The following ZBTB20 variants were observed in gnomAD, a reference collection of about 807,000 sequenced individuals.
The protein encoded by ZBTB20 is zinc finger and BTB domain containing 20, also known as zinc finger and BTB domain-containing protein 20.
In ZBTB20, 9 loss-of-function variants were observed where a neutral mutation model predicts 56.9. The observed-to-expected ratio is 0.16, with a 90% CI of 0.10 to 0.28. The LOEUF (loss-of-function observed/expected upper bound fraction) is 0.28, where lower values mean the gene tolerates loss of function less well. Ranked by LOEUF, ZBTB20 falls within the 10% of genes least tolerant of loss-of-function variation. The probability of loss-of-function intolerance (pLI) is 1.00; values close to 1 mark genes in which losing one functional copy is unlikely to be tolerated. For missense variants in ZBTB20, 655 were observed against 1,003.0 expected, an observed-to-expected ratio of 0.65 and a Z score of 4.69; for synonymous variants, 417 against 420.7, an observed-to-expected ratio of 0.99 and a Z score of 0.11.
chr3:114,754,781 C>G (rs1325930586), intron 5 of ZBTB20, among the ~76,000 whole-genome samples: 1 of 152,008 alleles, frequency 6.6e-6, no homozygotes, highest in African/African-American at 2.4e-5. Context: ...TAAAGGGGTT[C>G]AAACAAATTC....
At chr3:115,021,440 G>C (rs1450325104) in intron 2 of ZBTB20, among the ~76,000 whole-genome samples, 4 of 150,776 alleles carry the variant, frequency 2.7e-5, no homozygotes, top group African/African-American at 9.7e-5. Flanking sequence ...TACACGTAAA[G>C]TTAAGAAAGT....
intron 4 of ZBTB20, among the ~76,000 whole-genome samples, chr3:114,827,736 T>C (rs1322193170): frequency 6.6e-6 from 1 of 151,792 alleles, no homozygotes; most frequent in African/African-American, 2.4e-5. Flanking sequence ...TGGGCTTTCA[T>C]GACTTCTCAG....
chr3:114,527,117 G>C (rs546172313), intron 6 of ZBTB20: 13 of 151,992 alleles, frequency 8.6e-5, no homozygotes, highest in Non-Finnish European at 1.6e-4. Context: ...AATGGGTGGA[G>C]CACCTCCATA....
At chr3:114,941,582 T>C (rs2076725102) in intron 3 of ZBTB20, among the ~76,000 whole-genome samples, 1 of 146,330 alleles carries the variant, frequency 6.8e-6, no homozygotes, top group African/African-American at 2.8e-5. Flanking sequence ...CAAAAGTGAA[T>C]GTAAGTCAAA....
chr3:114,555,817 C>T (rs2051145570), intron 6 of ZBTB20, among the ~76,000 whole-genome samples: 1 of 152,034 alleles, frequency 6.6e-6, no homozygotes, highest in Non-Finnish European at 1.5e-5. Flanking sequence ...TGGCTGTTTA[C>T]CCTTTATACA....
At chr3:115,086,511 A>C (rs899320744) in intron 1 of ZBTB20, among the ~76,000 whole-genome samples, 7 of 151,844 alleles carry the variant, frequency 4.6e-5, no homozygotes, top group African/African-American at 1.7e-4. Flanking sequence ...TATAAAAAAA[A>C]CAACAGCCTT....
Position 114,331,995 on chromosome 3 carries a change from T to G in ZBTB20, c.*7010A>C, listed in dbSNP as rs1355136110. 2 of 151,874 alleles carry G rather than the reference T, an allele frequency of 1.3e-5. No individual in the cohort carries two copies. Among genetic ancestry groups the G allele is most frequent in the African/African-American group, 4.8e-5 (2 of 41,334 alleles). The allele number at this position is 151,874 out of a possible 1,614,324, so 9.4% of individuals were successfully genotyped here. On this transcript the variant is annotated 3_prime_UTR_variant, in exon 12 of 12. Coordinates refer to ENST00000675478, the MANE Select transcript of ZBTB20 (RefSeq NM_001348800.3). ...TTCATTATTAGAATCTACATATAAATTGCAATGAGTTTGCTGGGTAAAAAC... is the reference window on the plus strand; with the variant it reads ...TTCATTATTAGAATCTACATATAAAGTGCAATGAGTTTGCTGGGTAAAAAC...
intron 4 of ZBTB20, among the ~76,000 whole-genome samples, chr3:114,814,642 C>A (rs916926650): frequency 1.3e-5 from 2 of 152,320 alleles, no homozygotes; most frequent in African/African-American, 4.8e-5. Context: ...CTAACCACCT[C>A]TTTGCTAAGT....
At position 114,335,942 on chromosome 3, in the gene ZBTB20, C is replaced by G. The variant is rs1480654659; in HGVS notation, c.*3063G>C. On this transcript the variant is annotated 3_prime_UTR_variant, in exon 12 of 12. Coordinates refer to ENST00000675478, the MANE Select transcript of ZBTB20 (RefSeq NM_001348800.3). ...GGTGGATTCTAACCCAATTGCTTAG[C>G]ATTTTACATGGCAAATCAGCATTAA... The G allele has an allele frequency of 6.6e-6, 1 of 152,192 alleles. No homozygotes were observed. The highest frequency in any genetic ancestry group is 6.5e-5 in the Admixed American group (1 of 15,274). 9.4% of individuals were successfully genotyped at this position (152,192 alleles called of 1,614,324 possible).
At chr3:114,802,481 T>TA (rs925599162) in intron 4 of ZBTB20, among the ~76,000 whole-genome samples, 19 of 151,782 alleles carry the variant, frequency 1.3e-4, no homozygotes, top group African/African-American at 4.3e-4. Flanking sequence ...AGATTAGATT[T>TA]AAAAAAAATC....
intron 3 of ZBTB20, among the ~76,000 whole-genome samples, chr3:114,914,085 T>A (rs2107722396): frequency 6.6e-6 from 1 of 152,180 alleles, no homozygotes; most frequent in East Asian, 1.9e-4. Context: ...CTATAAATTT[T>A]ATAATTGTGT....
intron 4 of ZBTB20, among the ~76,000 whole-genome samples, chr3:114,844,550 A>AAAAAAAAAAC: frequency 2.1e-5 from 3 of 141,628 alleles, no homozygotes; most frequent in Non-Finnish European, 3.0e-5. Flanking sequence ...AAAAAAAAAA[A>AAAAAAAAAAC]AACTTTCATT....
At chr3:114,786,304 C>A (rs1578860390) in intron 5 of ZBTB20, among the ~76,000 whole-genome samples, 1 of 151,972 alleles carries the variant, frequency 6.6e-6, no homozygotes, top group East Asian at 1.9e-4. Context: ...ACCCCCACTC[C>A]CCAACAGGCC....
At chr3:114,732,860 T>G (rs957963517) in intron 5 of ZBTB20, among the ~76,000 whole-genome samples, 4 of 152,012 alleles carry the variant, frequency 2.6e-5, no homozygotes, top group Admixed American at 2.6e-4. Context: ...GGGAATTCAA[T>G]TACACTAATT....
chr3:114,692,334 T>C (rs1403954276), intron 6 of ZBTB20, among the ~76,000 whole-genome samples: 2 of 151,916 alleles, frequency 1.3e-5, no homozygotes, highest in Non-Finnish European at 2.9e-5. Context: ...CCTTCACTGG[T>C]GAGATGGATA....
chr3:115,003,340 T>G (rs1259293095), intron 2 of ZBTB20, among the ~76,000 whole-genome samples: 2 of 151,610 alleles, frequency 1.3e-5, no homozygotes, highest in Non-Finnish European at 3.0e-5. Flanking sequence ...TGTACCACCA[T>G]AGTTAATAAT....
chr3:115,014,766 G>A (rs1315824765), intron 2 of ZBTB20, among the ~76,000 whole-genome samples: 2 of 151,414 alleles, frequency 1.3e-5, no homozygotes, highest in Admixed American at 6.6e-5. Context: ...TATGATTATC[G>A]GTGTCTTTTT....
intron 1 of ZBTB20, among the ~76,000 whole-genome samples, chr3:115,100,826 C>T (rs2083560266): frequency 1.3e-5 from 2 of 152,248 alleles, no homozygotes; most frequent in Non-Finnish European, 1.5e-5. Context: ...TCAGCTCTGA[C>T]AAAAGCCTAG....
intron 7 of ZBTB20, among the ~76,000 whole-genome samples, chr3:114,394,786 C>T (rs555451417): frequency 2.0e-5 from 3 of 152,242 alleles, no homozygotes; most frequent in Admixed American, 1.3e-4. Flanking sequence ...CACAGCCAGC[C>T]GACTGGCTTC....
Sources: allele counts gnomAD v4.1 joint callset (sites outside exome capture counted in the v4.1 genomes callset), GRCh38; gene constraint gnomAD v4.1.1; transcripts MANE v1.5; gene names NCBI Gene and HGNC (gene_info 2026-07-23, HGNC 2026-07-21).